Variants in DGKI observed in about 807,000 individuals in gnomAD.
The protein encoded by DGKI is DAG kinase iota.
In DGKI, 55 loss-of-function variants were observed where a neutral mutation model predicts 147.5. That is an observed-to-expected ratio of 0.37 (90% CI 0.30 to 0.47). The LOEUF is 0.47. DGKI is among the 20% of genes least tolerant of loss of function. The probability of loss-of-function intolerance (pLI) is 1.00; values close to 1 mark genes in which losing one functional copy is unlikely to be tolerated. For synonymous variants in DGKI, 469 were observed against 477.1 expected, an observed-to-expected ratio of 0.98 and a Z score of 0.22; for missense variants, 1,007 against 1,323.8, an observed-to-expected ratio of 0.76 and a Z score of 3.71.
chr7:137,445,139 G>T (rs1052952976), intron 27 of DGKI, among the ~76,000 whole-genome samples: 1 of 152,094 alleles, frequency 6.6e-6, no homozygotes, highest in African/African-American at 2.4e-5. Flanking sequence ...GAATCATTCA[G>T]TCAATACAAA....
At chr7:137,786,034 T>G (rs1467369151) in intron 1 of DGKI, among the ~76,000 whole-genome samples, 1 of 152,126 alleles carries the variant, frequency 6.6e-6, no homozygotes, top group Non-Finnish European at 1.5e-5. Context: ...GGGGAAAAGT[T>G]GAAAGCATTC....
At chr7:137,427,162 T>G (rs946452084) in intron 28 of DGKI, among the ~76,000 whole-genome samples, 8 of 152,128 alleles carry the variant, frequency 5.3e-5, no homozygotes, top group African/African-American at 1.7e-4. Context: ...AAAGCTCTCC[T>G]CAGCAAATGT....
At chr7:137,630,516 G>A (rs1821091272) in intron 6 of DGKI, among the ~76,000 whole-genome samples, 1 of 152,158 alleles carries the variant, frequency 6.6e-6, no homozygotes, top group Non-Finnish European at 1.5e-5. Context: ...CCACAAATGT[G>A]TCATGCTGTA....
chr7:137,791,416 T>C (rs1292637261), intron 1 of DGKI, among the ~76,000 whole-genome samples: 1 of 152,170 alleles, frequency 6.6e-6, no homozygotes, highest in African/African-American at 2.4e-5. Context: ...CTCCAAAAGA[T>C]TCATTGGTAT....
At chr7:137,433,465 T>C (rs536422771) in intron 28 of DGKI, among the ~76,000 whole-genome samples, 1 of 152,332 alleles carries the variant, frequency 6.6e-6, no homozygotes, top group African/African-American at 2.4e-5. Context: ...TTTGATTAAA[T>C]ATTGGGATTT....
At chr7:137,571,710 C>T (rs1414325089) in intron 18 of DGKI, among the ~76,000 whole-genome samples, 4 of 151,618 alleles carry the variant, frequency 2.6e-5, no homozygotes, top group South Asian at 2.1e-4. Context: ...GAGGTACTCA[C>T]AGGAGAAGGG....
chr7:137,587,223 C>A lies in DGKI; in HGVS notation c.1312-13G>T. 1 of 1,595,554 alleles carries A rather than the reference C, an allele frequency of 6.3e-7. No homozygotes were observed. The highest frequency in any genetic ancestry group is 8.5e-7 in the Non-Finnish European group (1 of 1,171,682). ...GGATCCAGCCCACCTACAGGCGTAT[C>A]GGGGGCCAGAAGAGATATAAGAAAG... On this transcript the variant is annotated splice_polypyrimidine_tract_variant and intron_variant, in intron 12 of 32. Transcript: ENST00000614521.
In DGKI at chr7:137,839,839, C is replaced by T. The variant is rs148064876; in HGVS notation, c.401+6623G>A. ...ATTTATGAGTCTGGAAATCTAAAGG[C>T]AAATTTCCATTTCAGCAAAACTAGG... is the stretch of plus-strand genomic sequence containing the variant. On this transcript the variant is annotated intron_variant, in intron 1 of 32. Transcript: ENST00000614521. Among the ~76,000 whole-genome samples, 242 of 152,274 alleles carry T rather than the reference C, an allele frequency of 1.6e-3. 1 individual carries two copies. Among genetic ancestry groups the T allele is most frequent in the Non-Finnish European group, 2.8e-3 (193 of 68,030 alleles).
At chr7:137,460,005 A>G (rs1337146916) in intron 27 of DGKI, among the ~76,000 whole-genome samples, 1 of 152,170 alleles carries the variant, frequency 6.6e-6, no homozygotes, top group Non-Finnish European at 1.5e-5. Context: ...GAAAACTCTG[A>G]TAAGTAGTAT....
intron 27 of DGKI, among the ~76,000 whole-genome samples, chr7:137,460,606 T>A (rs13243008): frequency 0.12 from 18,862 of 152,180 alleles, 2,507 homozygotes; most frequent in African/African-American, 0.34. Flanking sequence ...TACTTACCAG[T>A]TGAGCATCCC....
chr7:137,587,922 G>T (rs910022631), intron 12 of DGKI, among the ~76,000 whole-genome samples: 5 of 152,070 alleles, frequency 3.3e-5, no homozygotes, highest in South Asian at 2.1e-4. Context: ...CTTTTTCTAA[G>T]ATAAATAATA....
chr7:137,527,525 A>C (rs1025942878), intron 20 of DGKI, among the ~76,000 whole-genome samples: 5 of 152,172 alleles, frequency 3.3e-5, no homozygotes, highest in Non-Finnish European at 7.4e-5. Context: ...TTATGAATAT[A>C]AATCTTAACT....
chr7:137,656,804 A>T (rs899266674), intron 3 of DGKI, among the ~76,000 whole-genome samples: 1 of 152,178 alleles, frequency 6.6e-6, no homozygotes, highest in East Asian at 1.9e-4. Context: ...TAATAATAAT[A>T]GCTCCAATAT....
chr7:137,427,871 T>A (rs562764358), intron 28 of DGKI, among the ~76,000 whole-genome samples: 1 of 151,968 alleles, frequency 6.6e-6, no homozygotes, highest in African/African-American at 2.4e-5. Context: ...AATCTCTGAA[T>A]AGACCAATAA....
intron 21 of DGKI, among the ~76,000 whole-genome samples, chr7:137,492,682 C>T (rs971950595): frequency 6.6e-6 from 1 of 152,130 alleles, no homozygotes; most frequent in Non-Finnish European, 1.5e-5. Context: ...GCAATGTCCA[C>T]AGTGAAGCAT....
intron 3 of DGKI, among the ~76,000 whole-genome samples, chr7:137,669,111 C>T (rs1822750667): frequency 6.6e-6 from 1 of 152,192 alleles, no homozygotes; most frequent in African/African-American, 2.4e-5. Flanking sequence ...AATCAGGATT[C>T]AAAACCAGGT....
chr7:137,742,123 T>G (rs1024555216), intron 1 of DGKI, among the ~76,000 whole-genome samples: 2 of 152,148 alleles, frequency 1.3e-5, no homozygotes, highest in African/African-American at 4.8e-5. Flanking sequence ...GGATTTATAG[T>G]GTACCTTCTT....
At chr7:137,397,142 C>G (rs905516987) in intron 31 of DGKI, among the ~76,000 whole-genome samples, 1 of 152,238 alleles carries the variant, frequency 6.6e-6, no homozygotes, top group Non-Finnish European at 1.5e-5. Flanking sequence ...GAAGCAAGCT[C>G]TAAATGATGA....
intron 28 of DGKI, among the ~76,000 whole-genome samples, chr7:137,420,204 A>G (rs1382042554): frequency 6.6e-6 from 1 of 152,180 alleles, no homozygotes; most frequent in East Asian, 1.9e-4. Context: ...TCCAAAAGCA[A>G]CCATCCCAAG....
Sources: allele counts gnomAD v4.1 joint callset (sites outside exome capture counted in the v4.1 genomes callset), GRCh38; gene constraint gnomAD v4.1.1; transcripts MANE v1.5; gene names NCBI Gene and HGNC (gene_info 2026-07-23, HGNC 2026-07-21).